CCDC61: variants seen among roughly 807,000 people sequenced by gnomAD.
CCDC61 encodes the protein centrosomal protein CCDC61.
A neutral mutation model predicts 63.0 loss-of-function variants in CCDC61; 55 were observed. The ratio of observed to expected loss-of-function variants is 0.87; its 90% CI spans 0.70 to 1.09. CCDC61 has a LOEUF of 1.09. Ranked by LOEUF, CCDC61 falls within the 50% of genes least tolerant of loss-of-function variation. The pLI is 0.00. For missense variants in CCDC61, 651 were observed against 731.4 expected (o/e 0.89, Z 1.27); for synonymous variants, 270 against 317.0 (o/e 0.85, Z 1.58).
chr19:46,003,590 C>T, intron 3 of CCDC61, 89 bp downstream of exon 3: 1 of 803,260 alleles, frequency 1.2e-6, no homozygotes, highest in East Asian at 2.8e-5. Flanking sequence ...GTATGTAAGA[C>T]CCTCTACCTT....
At chr19:46,013,331 A>G (rs768317931) in intron 5 of CCDC61, among the ~76,000 whole-genome samples, 3 of 151,822 alleles carry the variant, frequency 2.0e-5, no homozygotes, top group Non-Finnish European at 1.5e-5. Context: ...GCTGCAAGCT[A>G]ATTTTTGTAG....
At chr19:45,999,089 G>A (rs1450166329) in intron 1 of CCDC61, among the ~76,000 whole-genome samples, 1 of 152,204 alleles carries the variant, frequency 6.6e-6, no homozygotes, top group Non-Finnish European at 1.5e-5. Context: ...ATACCCACCA[G>A]AGAGCAGAAT....
chr19:46,007,652 T>C (rs1045969300), intron 4 of CCDC61, among the ~76,000 whole-genome samples: 2 of 152,160 alleles, frequency 1.3e-5, no homozygotes, highest in Non-Finnish European at 2.9e-5. Flanking sequence ...TAGGTGACCG[T>C]GTCTGTCCCA....
chr19:46,018,312 G>A lies in CCDC61; in HGVS notation c.1464G>A (p.Ala488=), dbSNP rs753786672. The change falls in exon 14 of 14, where the codon GCG becomes GCA. Residue 488 remains alanine, a synonymous_variant. Transcript: ENST00000595358. This position sits in a 1 kb window ranked among gnomAD's most constrained non-coding sequence, Gnocchi z 4.2. ...CAGAGTACAGCTCGGAGCACCAGGC[G>A]GCTGACATGGCCGAAATAGACGCAC... The part of the protein sequence containing the change: ...PIKEYSSEHQ[A]ADMAEIDARL... 8.3e-6 allele frequency: 13 copies of A among 1,571,926 alleles called. No individual in the cohort carries two copies. The highest frequency in any genetic ancestry group is 7.0e-5 in the South Asian group (6 of 85,478).
At chr19:45,996,363 A>T (rs1420809461) in intron 1 of CCDC61, 1 of 151,714 alleles carries the variant, frequency 6.6e-6, no homozygotes, top group Non-Finnish European at 1.5e-5. Flanking sequence ...TCTTCCTTTC[A>T]ACCTCCAAAC....
At chr19:46,007,745 G>C (rs548929859) in intron 4 of CCDC61, among the ~76,000 whole-genome samples, 1 of 152,120 alleles carries the variant, frequency 6.6e-6, no homozygotes, top group South Asian at 2.1e-4. Context: ...AATCACAATG[G>C]CTCACCTTTC....
At chr19:46,008,706 G>T (rs138122931) in intron 5 of CCDC61, among the ~76,000 whole-genome samples, 97 of 152,322 alleles carry the variant, frequency 6.4e-4, no homozygotes, top group Non-Finnish European at 1.1e-3. Context: ...ACTGCGCCCG[G>T]CCTCTGAGCC....
rs765098385 is a variant in CCDC61 at position 46,008,294 on chromosome 19, C to T, written c.544C>T (p.Arg182Trp). 8.4e-5 allele frequency: 111 copies of T among 1,329,258 alleles called. No individual in the cohort carries two copies. The highest frequency in any genetic ancestry group is 1.8e-4 in the Middle Eastern group (1 of 5,414). 82.3% of individuals were successfully genotyped at this position (1,329,258 alleles called of 1,614,324 possible). ...CCGGGAGAATGAGATCTGGCATCTG[C>T]GGGAGCAGTGAGTCTTGGAGGGGTG... ...DTRENEIWHL[R>W]EQVSRLASEK... is the part of the protein sequence containing the mutation. Residue 182 changes from arginine to tryptophan, a missense_variant, in exon 5 of 14, where the codon CGG becomes TGG. Coordinates refer to ENST00000595358, the MANE Select transcript of CCDC61 (RefSeq NM_001267723.2).
At chr19:46,008,470 G>A (rs544972119) in intron 5 of CCDC61, among the ~76,000 whole-genome samples, 169 bp downstream of exon 5, 4 of 152,188 alleles carry the variant, frequency 2.6e-5, no homozygotes, top group South Asian at 2.1e-4. Flanking sequence ...GTGCAGTGGT[G>A]CGATCTTGGC....
intron 1 of CCDC61, among the ~76,000 whole-genome samples, chr19:45,997,699 T>C (rs185755438): frequency 1.1e-3 from 157 of 143,298 alleles, no homozygotes; most frequent in African/African-American, 3.1e-3. Flanking sequence ...CCTATTATTA[T>C]TTTTTGAGAT....
chr19:46,002,918 A>G, intron 1 of CCDC61, 90 bp from the exon 2 acceptor site: 1 of 1,309,900 alleles, frequency 7.6e-7, no homozygotes, highest in East Asian at 2.5e-5. Flanking sequence ...CAGCTGGTAA[A>G]TGATGGAGCC....
intron 5 of CCDC61, among the ~76,000 whole-genome samples, chr19:46,011,587 C>T (rs146928031): frequency 6.6e-6 from 1 of 152,272 alleles, no homozygotes; most frequent in Non-Finnish European, 1.5e-5. Flanking sequence ...TGGTGGCTAA[C>T]CCTATATAGG....
intron 3 of CCDC61, among the ~76,000 whole-genome samples, chr19:46,004,081 GGC>G (rs1968649734): frequency 6.6e-6 from 1 of 151,904 alleles, no homozygotes; most frequent in Non-Finnish European, 1.5e-5. Flanking sequence ...TGGGATTACA[GGC>G]GCACGCCACC....
At chr19:46,002,522 G>A (rs1213870260) in intron 1 of CCDC61, among the ~76,000 whole-genome samples, 7 of 149,292 alleles carry the variant, frequency 4.7e-5, no homozygotes, top group African/African-American at 1.7e-4. Flanking sequence ...CTCACTGCAA[G>A]CTCTGCCTCC....
At chr19:46,000,026 T>TGTG (rs1968561297) in intron 1 of CCDC61, 2 of 984,952 alleles carry the variant, frequency 2.0e-6, no homozygotes, top group Non-Finnish European at 2.4e-6. Context: ...GATGAGCCAC[T>TGTG]GGTCATTCCG....
Position 46,017,296 on chromosome 19 carries a change from T to C in CCDC61, c.1360T>C (p.Ser454Pro). The C allele has an allele frequency of 6.4e-7, 1 of 1,561,776 alleles. No homozygotes were observed. Among genetic ancestry groups the C allele is most frequent in the South Asian group, 1.2e-5 (1 of 84,670 alleles). ...TCCCAGCCCAACGCCCTGGAGTGGG[T>C]CCAATATGGTGAGTAGAAGGGGCAA... Reference protein sequence around the residue: ...KPPSPTPWSGSNMKSPPVERS... With the variant: ...KPPSPTPWSGPNMKSPPVERS... The change falls in exon 12 of 14, where the codon TCC becomes CCC. Residue 454 changes from serine (S) to proline (P), a missense_variant. Physicochemically the swap from Ser to Pro is moderately conservative, Grantham distance 74. Coordinates refer to ENST00000595358, the MANE Select transcript of CCDC61 (RefSeq NM_001267723.2).
At chr19:46,014,833 C>T (rs1174319127) in intron 5 of CCDC61, among the ~76,000 whole-genome samples, 1 of 152,110 alleles carries the variant, frequency 6.6e-6, no homozygotes, top group African/African-American at 2.4e-5. Flanking sequence ...GGGTCATGTC[C>T]TCTTCGTGAG....
Position 46,015,426 on chromosome 19 carries a change from G to C in CCDC61, c.844G>C (p.Gly282Arg), listed in dbSNP as rs757156471. Reference sequence around the variant, plus strand: ...CAGCGAGCTGGCATTGTACAAGAGGGGGTGAGAGCGAGGCCTGCCAGGCGC... The same window carrying C: ...CAGCGAGCTGGCATTGTACAAGAGGCGGTGAGAGCGAGGCCTGCCAGGCGC... ...LTSELALYKR[G>R]RRTPPVQPPP... Residue 282 changes from glycine (G) to arginine (R), a missense_variant and splice_region_variant, in exon 7 of 14, where the codon GGG becomes CGG. Coordinates refer to ENST00000595358, the MANE Select transcript of CCDC61 (RefSeq NM_001267723.2). The surrounding 1 kb of genome is among the most constrained non-coding windows in gnomAD (Gnocchi z 5.3). The C allele has an allele frequency of 5.0e-6, 8 of 1,598,396 alleles. No individual in the cohort carries two copies. In the Admixed American group the frequency reaches 8.4e-5, roughly 17 times the overall value.
chr19:45,995,634 G>C, intron 1 of CCDC61, 130 bp downstream of exon 1: 1 of 363,806 alleles, frequency 2.7e-6, no homozygotes, highest in Non-Finnish European at 5.5e-6. Context: ...TCGGGAGGGA[G>C]GGTGCCCTTT....
Sources: gnomAD v4.1 joint callset for allele counts (sites outside exome capture counted in the v4.1 genomes callset) on GRCh38, gnomAD v4.1.1 for gene constraint, Gnocchi (gnomAD v3.1) non-coding constraint, MANE v1.5 for transcripts, NCBI Gene and HGNC (gene_info 2026-07-23, HGNC 2026-07-21) for gene names.